The following DISC1 variants were observed in gnomAD, a reference collection of about 807,000 sequenced individuals.
The protein encoded by DISC1 is DISC1 scaffold protein, also known as disrupted in schizophrenia 1 protein.
Under a neutral mutation model 84.5 loss-of-function variants are expected in DISC1, and 57 were observed. That is an observed-to-expected ratio of 0.67 (90% confidence interval 0.55 to 0.84). DISC1 has a LOEUF of 0.84. DISC1 is among the 40% of genes least tolerant of loss of function. The pLI is 0.00. For synonymous variants in DISC1, 411 were observed against 415.2 expected (o/e 0.99, Z 0.12); for missense variants, 1,000 against 1,057.8 (o/e 0.95, Z 0.76).
At chr1:231,986,811 C>T (rs942861191) in intron 10 of DISC1, among the ~76,000 whole-genome samples, 6 of 152,084 alleles carry the variant, frequency 3.9e-5, no homozygotes, top group Admixed American at 6.5e-5. Context: ...AAGGATGTGG[C>T]GGGCCATGCT....
chr1:231,911,625 C>T (rs770745752), intron 9 of DISC1, among the ~76,000 whole-genome samples: 1 of 152,190 alleles, frequency 6.6e-6, no homozygotes, highest in Non-Finnish European at 1.5e-5. Context: ...TTCATTTCAG[C>T]TTTGGTGAAT....
At chr1:231,979,598 C>CATATAT (rs147080360) in intron 10 of DISC1, among the ~76,000 whole-genome samples, 9 of 149,036 alleles carry the variant, frequency 6.0e-5, no homozygotes, top group African/African-American at 2.2e-4. Context: ...AGTATAATGA[C>CATATAT]ATATATATAT....
intron 9 of DISC1, chr1:231,855,510 T>C: frequency 1.2e-6 from 1 of 812,862 alleles, no homozygotes; most frequent in Non-Finnish European, 1.5e-6. Flanking sequence ...CCACTTCTCT[T>C]TTTGAACTCT....
chr1:231,872,059 G>A (rs1241774487), intron 9 of DISC1, among the ~76,000 whole-genome samples: 1 of 152,226 alleles, frequency 6.6e-6, no homozygotes, highest in East Asian at 1.9e-4. Flanking sequence ...GGACAGTTCT[G>A]TGGGCAGTGG....
rs2088684968 is a variant in DISC1, at chr1:231,906,821, CAAG to C, written c.1982-52001_1982-51999del. Among the ~76,000 whole-genome samples, 6 of 150,578 alleles carry C rather than the reference CAAG, an allele frequency of 4.0e-5. No homozygotes were observed. In the South Asian group the frequency reaches 1.3e-3, roughly 32 times the overall value. ...GTATTAGGGGAGAAAAAAGGAAGCA[CAAG>C]AAGAAAGGAAAAAAAAAATTAAGGG... On this transcript the variant is annotated intron_variant, in intron 9 of 12. Coordinates refer to ENST00000439617, the MANE Select transcript of DISC1 (RefSeq NM_018662.3).
At chr1:231,920,284 T>G (rs2089915535) in intron 9 of DISC1, among the ~76,000 whole-genome samples, 1 of 152,266 alleles carries the variant, frequency 6.6e-6, no homozygotes, top group South Asian at 2.1e-4. Flanking sequence ...TTAGCCATTT[T>G]TAAGTGGCTA....
chr1:232,028,846 A>T (rs532624213), intron 12 of DISC1, among the ~76,000 whole-genome samples: 2 of 152,230 alleles, frequency 1.3e-5, no homozygotes, highest in Non-Finnish European at 1.5e-5. Flanking sequence ...CAGTAACTCC[A>T]CAGTGGCTTA....
intron 5 of DISC1, among the ~76,000 whole-genome samples, chr1:231,768,322 A>G (rs1400444153): frequency 6.6e-6 from 1 of 152,164 alleles, no homozygotes; most frequent in Non-Finnish European, 1.5e-5. Flanking sequence ...TGATCTGGTC[A>G]TAGAGTATTC....
At chr1:231,891,598 G>A (rs942081177) in intron 9 of DISC1, among the ~76,000 whole-genome samples, 10 of 152,142 alleles carry the variant, frequency 6.6e-5, no homozygotes, top group Admixed American at 5.2e-4. Flanking sequence ...GGATGTAGGG[G>A]CTGCCCCTAG....
At chr1:231,930,036 G>A (rs1375057113) in intron 9 of DISC1, among the ~76,000 whole-genome samples, 2 of 152,196 alleles carry the variant, frequency 1.3e-5, no homozygotes, top group Admixed American at 1.3e-4. Context: ...TGGAGTGAGA[G>A]ATGGCCCGAA....
chr1:231,907,168 T>A (rs900180215), intron 9 of DISC1, among the ~76,000 whole-genome samples: 1 of 111,712 alleles, frequency 9.0e-6, no homozygotes, highest in African/African-American at 3.4e-5. Context: ...TTTCTTTCTT[T>A]CTCTTTCTTT....
At chr1:231,945,778 G>A (rs1378002947) in intron 9 of DISC1, among the ~76,000 whole-genome samples, 4 of 152,090 alleles carry the variant, frequency 2.6e-5, no homozygotes, top group South Asian at 2.1e-4. Flanking sequence ...TGATAAAGGG[G>A]ATATCACCAC....
At chr1:231,723,875 G>C in intron 3 of DISC1, 3 of 985,424 alleles carry the variant, frequency 3.0e-6, no homozygotes, top group Non-Finnish European at 3.6e-6. Context: ...AGGAGCATTT[G>C]TTGGCAAGTT....
intron 6 of DISC1, among the ~76,000 whole-genome samples, chr1:231,780,252 G>GAAAAAAATAAAAAAAAAAAAAAAAAAA (rs34768925): frequency 8.3e-6 from 1 of 120,238 alleles, no homozygotes; most frequent in Non-Finnish European, 1.7e-5. Context: ...AAAAAAAAAA[G>GAAAAAAATAAAAAAAAAAAAAAAAAAA]AAAAGGAAAG....
Position 232,026,447 on chromosome 1 carries a change from C to T in DISC1, c.2320C>T (p.Leu774Phe). 1 of 1,602,856 alleles carries T rather than the reference C, an allele frequency of 6.2e-7. No homozygotes were observed. The highest frequency in any genetic ancestry group is 8.5e-7 in the Non-Finnish European group (1 of 1,174,076). The change falls in exon 12 of 13, where the codon CTT becomes TTT. Residue 774 changes from leucine (L) to phenylalanine (F), a missense_variant. Around this residue, in one of 3 missense-constraint regions of DISC1, gnomAD observed 397 missense variants for 377.5 expected, o/e 1.05. Transcript: ENST00000439617. The stretch of plus-strand genomic sequence containing the variant: ...CCCCTCTCGCCAGGAATCTTACATC[C>T]TTTCTGCAGAACTTGGAGAAAAGTG... Reference protein sequence around the residue: ...GGEQKEESYILSAELGEKCED... With the variant: ...GGEQKEESYIFSAELGEKCED...
intron 9 of DISC1, chr1:231,818,868 C>A: frequency 9.2e-7 from 1 of 1,092,036 alleles, no homozygotes; most frequent in Non-Finnish European, 1.1e-6. Flanking sequence ...GCTCCGTCTC[C>A]TTGTCTGCAC....
intron 9 of DISC1, chr1:231,855,011 T>A: frequency 9.3e-7 from 1 of 1,080,662 alleles, no homozygotes; most frequent in South Asian, 2.5e-5. Flanking sequence ...CCACTGTGCC[T>A]GGCCCCTACA....
chr1:231,790,501 G>A (rs554123043), intron 6 of DISC1, among the ~76,000 whole-genome samples: 2 of 151,528 alleles, frequency 1.3e-5, no homozygotes, highest in Non-Finnish European at 1.5e-5. Flanking sequence ...GTCTGTCTCC[G>A]CATCTCTTCT....
At chr1:232,022,518 G>A (rs993685251) in intron 11 of DISC1, among the ~76,000 whole-genome samples, 2 of 152,088 alleles carry the variant, frequency 1.3e-5, no homozygotes, top group Non-Finnish European at 2.9e-5. Flanking sequence ...ATGTTGGCCA[G>A]GATGGTCTCG....
Sources: allele counts gnomAD v4.1 joint callset (sites outside exome capture counted in the v4.1 genomes callset), GRCh38; gene constraint gnomAD v4.1.1; regional missense constraint gnomAD v4.1.1; transcripts MANE v1.5; gene names NCBI Gene and HGNC (gene_info 2026-07-23, HGNC 2026-07-21).